Variants in TPTE2 observed in about 807,000 individuals in gnomAD.
The protein encoded by TPTE2 is phosphatidylinositol 3,4,5-trisphosphate 3-phosphatase TPTE2.
In TPTE2, 53 loss-of-function variants were observed where a neutral mutation model predicts 78.6. The observed-to-expected ratio is 0.67, with a 90% CI of 0.54 to 0.85. The LOEUF is 0.85. Ranked by LOEUF, TPTE2 falls within the 40% of genes least tolerant of loss-of-function variation. The probability of loss-of-function intolerance (pLI) is 0.00; values close to 1 mark genes in which losing one functional copy is unlikely to be tolerated. For missense variants in TPTE2, 461 were observed against 623.0 expected (o/e 0.74, Z 2.77); for synonymous variants, 175 against 206.2 (o/e 0.85, Z 1.30).
chr13:19,446,281 C>A (rs1359770214), intron 13 of TPTE2, among the ~76,000 whole-genome samples: 1 of 152,146 alleles, frequency 6.6e-6, no homozygotes, highest in Admixed American at 6.5e-5. Flanking sequence ...CAAGACAATT[C>A]TGCCTTTATC....
At chr13:19,492,481 T>C (rs1228638873) in intron 3 of TPTE2, among the ~76,000 whole-genome samples, 1 of 152,178 alleles carries the variant, frequency 6.6e-6, no homozygotes, top group African/African-American at 2.4e-5. Flanking sequence ...CTTAAAAAAT[T>C]ACCTACTAGA....
At chr13:19,450,198 T>C (rs2137528784) in intron 12 of TPTE2, 34 bp from the exon 16 acceptor site, 2 of 1,610,394 alleles carry the variant, frequency 1.2e-6, no homozygotes, top group Non-Finnish European at 1.7e-6. Flanking sequence ...AGTTAAAATA[T>C]TTTCAAAAAA....
intron 1 of TPTE2, among the ~76,000 whole-genome samples, chr13:19,521,243 A>C (rs1412418606): frequency 6.6e-6 from 1 of 151,942 alleles, no homozygotes; most frequent in African/African-American, 2.4e-5. Flanking sequence ...CAATTCTGTC[A>C]ATTTTTTCTT....
Position 19,535,341 on chromosome 13 carries a change from A to C in TPTE2, c.-44+1255T>G, listed in dbSNP as rs1473261022. Among the ~76,000 whole-genome samples, 3 of 152,038 alleles carry C rather than the reference A, an allele frequency of 2.0e-5. No homozygotes were observed. Among genetic ancestry groups the C allele is most frequent in the Non-Finnish European group, 4.4e-5 (3 of 68,022 alleles). ...TTTAACAACATGGTCCCAACTGTGG[A>C]GGTATCATCATCTTCCAAAGCTATC... On this transcript the variant is annotated intron_variant, in intron 1 of 17. Coordinates refer to the TPTE2 transcript ENST00000390680. This position sits in a 1 kb window ranked among gnomAD's most constrained non-coding sequence, Gnocchi z 5.1.
In TPTE2 at chr13:19,521,299, CTTA is replaced by C. The variant is rs576054210; in HGVS notation, c.-44+15294_-44+15296del. On this transcript the variant is annotated intron_variant, in intron 1 of 17. Transcript: ENST00000390680. ...TATATGTTTTTGATGGATTGATCCT[CTTA>C]TTATTATAAAATGTCCTTTGTTTTT... Among the ~76,000 whole-genome samples the C allele has an allele frequency of 2.6e-3, 400 of 151,420 alleles. 2 individuals are homozygous for C. The highest frequency in any genetic ancestry group is 9.1e-3 in the African/African-American group (378 of 41,402).
chr13:19,503,537 G>A (rs1195422296), upstream of TPTE2, among the ~76,000 whole-genome samples: 2 of 151,728 alleles, frequency 1.3e-5, no homozygotes, highest in Non-Finnish European at 1.5e-5. Context: ...CAGTCCCAAT[G>A]CGTGACAGCC....
At chr13:19,489,980 A>AT (rs1295037436) in intron 3 of TPTE2, among the ~76,000 whole-genome samples, 1 of 152,124 alleles carries the variant, frequency 6.6e-6, no homozygotes, top group Non-Finnish European at 1.5e-5. Flanking sequence ...AGTTATGTAC[A>AT]ATTGCTCTAC....
chr13:19,520,443 G>A (rs907862303), intron 1 of TPTE2, among the ~76,000 whole-genome samples: 1 of 151,606 alleles, frequency 6.6e-6, no homozygotes, highest in Non-Finnish European at 1.5e-5. Flanking sequence ...TAGGTTTTTT[G>A]TTGTTGTTGT....
chr13:19,547,720 C>CATACATATATATATATAATAT, the TPTE2 span, among the ~76,000 whole-genome samples: 3 of 118,848 alleles, frequency 2.5e-5, no homozygotes, highest in Non-Finnish European at 3.6e-5. Flanking sequence ...AATAAATATA[C>CATACATATATATATATAATAT]ATATATATAT....
chr13:19,465,488 G>T, exon 8 of TPTE2: 3 of 1,609,836 alleles, frequency 1.9e-6, no homozygotes, highest in Non-Finnish European at 2.5e-6. Flanking sequence ...AGCTTTTCAA[G>T]TTGTCTTTTT....
At chr13:19,460,295 G>A (rs1878805159) in intron 10 of TPTE2, among the ~76,000 whole-genome samples, 1 of 152,222 alleles carries the variant, frequency 6.6e-6, no homozygotes, top group East Asian at 1.9e-4. Flanking sequence ...TCCCTTGGCT[G>A]GGAGTCGGGT....
At chr13:19,498,445 A>C (rs530144467) in intron 1 of TPTE2, among the ~76,000 whole-genome samples, 1 of 152,296 alleles carries the variant, frequency 6.6e-6, no homozygotes, top group East Asian at 1.9e-4. Flanking sequence ...CTAACAGCAG[A>C]TCTCTCGGCA....
the TPTE2 span, among the ~76,000 whole-genome samples, chr13:19,558,284 C>T: frequency 6.6e-6 from 1 of 152,112 alleles, no homozygotes; most frequent in African/African-American, 2.4e-5. Flanking sequence ...ACCCTAATGC[C>T]CCCAGAATGT....
intron 4 of TPTE2, among the ~76,000 whole-genome samples, chr13:19,480,668 G>A (rs563074436): frequency 3.3e-5 from 5 of 152,226 alleles, no homozygotes; most frequent in African/African-American, 1.2e-4. Flanking sequence ...GATAAATGAA[G>A]GTGTGTCAAA....
intron 13 of TPTE2, among the ~76,000 whole-genome samples, chr13:19,444,093 G>A (rs1405693304): frequency 2.6e-5 from 4 of 151,178 alleles, no homozygotes; most frequent in South Asian, 4.2e-4. Context: ...TAACTTGAGC[G>A]CAGGAGTTTG....
At chr13:19,477,486 G>A (rs948541815) in intron 4 of TPTE2, among the ~76,000 whole-genome samples, 1 of 152,138 alleles carries the variant, frequency 6.6e-6, no homozygotes, top group Non-Finnish European at 1.5e-5. Context: ...CCTCCGCCCA[G>A]GCTTGGAGAG....
chr13:19,552,651 G>T, the TPTE2 span: 7 of 681,828 alleles, frequency 1.0e-5, no homozygotes, highest in Non-Finnish European at 1.8e-5. Context: ...ATTCTGAAGG[G>T]GTTGTTCATT....
At chr13:19,555,554 C>T in the TPTE2 span, among the ~76,000 whole-genome samples, 8 of 152,102 alleles carry the variant, frequency 5.3e-5, no homozygotes, top group African/African-American at 1.9e-4. Flanking sequence ...CAAACAGTAC[C>T]TTCATTAGAG....
At chr13:19,541,209 A>G (rs1181491238), upstream of TPTE2, among the ~76,000 whole-genome samples, 1 of 152,220 alleles carries the variant, frequency 6.6e-6, no homozygotes, top group Non-Finnish European at 1.5e-5. Flanking sequence ...TTCTTACAAC[A>G]TGATAGCACA....
Sources: gnomAD v4.1 joint callset for allele counts (sites outside exome capture counted in the v4.1 genomes callset) on GRCh38, gnomAD v4.1.1 for gene constraint, Gnocchi (gnomAD v3.1) non-coding constraint, MANE v1.5 for transcripts, NCBI Gene and HGNC (gene_info 2026-07-23, HGNC 2026-07-21) for gene names.